FAM168A: variants seen among roughly 807,000 people sequenced by gnomAD.
FAM168A encodes family with sequence similarity 168 member A, also known as protein FAM168A.
A neutral mutation model predicts 28.5 loss-of-function variants in FAM168A; 3 were observed. The observed-to-expected ratio is 0.11, with a 90% CI of 0.05 to 0.27. The LOEUF (loss-of-function observed/expected upper bound fraction) is 0.27, where lower values mean the gene tolerates loss of function less well. FAM168A is among the 10% of genes least tolerant of loss of function. The pLI is 1.00. For synonymous variants in FAM168A, 122 were observed against 124.2 expected, an observed-to-expected ratio of 0.98 and a Z score of 0.12; for missense variants, 222 against 311.5, an observed-to-expected ratio of 0.71 and a Z score of 2.16.
intron 1 of FAM168A, among the ~76,000 whole-genome samples, chr11:73,478,386 C>T (rs1328740918): frequency 6.6e-6 from 1 of 152,092 alleles, no homozygotes; most frequent in African/African-American, 2.4e-5. Context: ...TTGCATGATT[C>T]CATTTATATG....
intron 1 of FAM168A, among the ~76,000 whole-genome samples, chr11:73,541,019 A>G (rs1943650325): frequency 6.6e-6 from 1 of 152,136 alleles, no homozygotes; most frequent in Non-Finnish European, 1.5e-5. Flanking sequence ...AGCCTGTCCA[A>G]CATGCTGAAA....
intron 2 of FAM168A, among the ~76,000 whole-genome samples, chr11:73,435,190 CCT>C (rs1867066534): frequency 6.6e-6 from 1 of 152,222 alleles, no homozygotes; most frequent in African/African-American, 2.4e-5. Flanking sequence ...CTCTTTACCC[CCT>C]GATCATTTTC....
intron 1 of FAM168A, among the ~76,000 whole-genome samples, chr11:73,566,899 G>C (rs549286375): frequency 1.3e-5 from 2 of 152,354 alleles, no homozygotes; most frequent in African/African-American, 4.8e-5. Context: ...AAGCAATGTA[G>C]GTGGTAGATT....
intron 2 of FAM168A, among the ~76,000 whole-genome samples, chr11:73,438,068 G>C (rs527617584): frequency 6.6e-6 from 1 of 152,122 alleles, no homozygotes; most frequent in East Asian, 1.9e-4. Flanking sequence ...ATTGTGGTCA[G>C]TGAAGGCCTA....
At chr11:73,507,194 T>A (rs962329329) in intron 1 of FAM168A, among the ~76,000 whole-genome samples, 1 of 152,192 alleles carries the variant, frequency 6.6e-6, no homozygotes, top group African/African-American at 2.4e-5. Flanking sequence ...CGTGTAATTG[T>A]GTTCATATCT....
intron 1 of FAM168A, among the ~76,000 whole-genome samples, chr11:73,493,134 G>C: frequency 6.6e-6 from 1 of 151,510 alleles, no homozygotes; most frequent in African/African-American, 2.4e-5. Flanking sequence ...ATGTATCCAT[G>C]TAACAAACCT....
At chr11:73,425,179 G>T (rs1866866807) in intron 3 of FAM168A, 2 of 620,512 alleles carry the variant, frequency 3.2e-6, no homozygotes, top group East Asian at 6.1e-5. Context: ...AGTAAATAAA[G>T]ATGTAAAACA....
At chr11:73,455,255 C>G (rs1867508453) in intron 2 of FAM168A, among the ~76,000 whole-genome samples, 1 of 152,212 alleles carries the variant, frequency 6.6e-6, no homozygotes, top group Non-Finnish European at 1.5e-5. Flanking sequence ...GCATGGCGAG[C>G]TGAGTAAGCA....
At chr11:73,540,689 TTC>T (rs753108849) in intron 1 of FAM168A, among the ~76,000 whole-genome samples, 16 of 152,244 alleles carry the variant, frequency 1.1e-4, no homozygotes, top group Non-Finnish European at 2.2e-4. Context: ...AGAGAGGCTT[TTC>T]TTGATCATCA....
chr11:73,550,010 T>G, intron 1 of FAM168A, among the ~76,000 whole-genome samples: 1 of 152,208 alleles, frequency 6.6e-6, no homozygotes, highest in East Asian at 1.9e-4. Context: ...GAAATAAAAA[T>G]AAGAAGACTG....
At chr11:73,457,661 G>A (rs545012586) in intron 2 of FAM168A, among the ~76,000 whole-genome samples, 2 of 134,828 alleles carry the variant, frequency 1.5e-5, no homozygotes, top group Admixed American at 8.3e-5. Context: ...GGATCAACTT[G>A]AGCCCAAGAG....
chr11:73,491,685 T>C (rs1868130156), intron 1 of FAM168A, among the ~76,000 whole-genome samples: 1 of 152,224 alleles, frequency 6.6e-6, no homozygotes. Flanking sequence ...ACACTGACTC[T>C]CATCTCATAC....
At chr11:73,461,254 C>CTA (rs1867641995) in intron 2 of FAM168A, among the ~76,000 whole-genome samples, 1 of 152,024 alleles carries the variant, frequency 6.6e-6, no homozygotes, top group African/African-American at 2.4e-5. Context: ...GTAGCTGGAA[C>CTA]TACAGGCAGG....
chr11:73,424,969 G>T, intron 3 of FAM168A: 2 of 1,419,008 alleles, frequency 1.4e-6, no homozygotes, highest in Non-Finnish European at 1.9e-6. Context: ...CCATTGTTAC[G>T]AGAGAACACA....
At chr11:73,463,860 G>A (rs1867690094) in intron 2 of FAM168A, among the ~76,000 whole-genome samples, 1 of 152,202 alleles carries the variant, frequency 6.6e-6, no homozygotes, top group African/African-American at 2.4e-5. Context: ...ATATTCATGA[G>A]AACAGTTAAT....
At position 73,529,796 on chromosome 11, in the gene FAM168A, C is replaced by CTTTTTTTTTTTTTTTTTTTTTTTTTT. The variant is rs772530179; in HGVS notation, c.-18-61305_-18-61304insAAAAAAAAAAAAAAAAAAAAAAAAAA. Among the ~76,000 whole-genome samples the CTTTTTTTTTTTTTTTTTTTTTTTTTT allele has an allele frequency of 6.3e-5, 8 of 127,532 alleles. 1 individual carries two copies. Among genetic ancestry groups the CTTTTTTTTTTTTTTTTTTTTTTTTTT allele is most frequent in the African/African-American group, 2.7e-4 (8 of 29,666 alleles). The allele number at this position is 127,532 out of a possible 152,430, so 83.7% of individuals were successfully genotyped here. A position where few individuals can be genotyped will look rare whatever the true frequency, so the allele number is the denominator to read the frequency against. ...TCCTTCATTCAAACAACTTTTTCTT[C>CTTTTTTTTTTTTTTTTTTTTTTTTTT]TTTTTTTTTTTTTTTTGGAGACGCA... On this transcript the variant is annotated intron_variant, in intron 1 of 7. Transcript: ENST00000356467.
chr11:73,539,186 A>G (rs577252379), intron 1 of FAM168A, among the ~76,000 whole-genome samples: 9 of 152,336 alleles, frequency 5.9e-5, no homozygotes, highest in African/African-American at 2.2e-4. Flanking sequence ...CATTTAACTT[A>G]AAAAATCAAT....
intron 7 of FAM168A, among the ~76,000 whole-genome samples, chr11:73,407,197 A>T (rs1025301281): frequency 2.6e-5 from 4 of 152,240 alleles, no homozygotes; most frequent in Admixed American, 2.6e-4. Context: ...GCTAAGTGAT[A>T]TTTAACTACA....
chr11:73,458,202 G>A (rs1020412257), intron 2 of FAM168A, among the ~76,000 whole-genome samples: 2 of 152,178 alleles, frequency 1.3e-5, no homozygotes, highest in Non-Finnish European at 1.5e-5. Flanking sequence ...GTAGAGAACA[G>A]GAAGCCAAGG....
Sources: gnomAD v4.1 joint callset for allele counts (sites outside exome capture counted in the v4.1 genomes callset) on GRCh38, gnomAD v4.1.1 for gene constraint, MANE v1.5 for transcripts, NCBI Gene and HGNC (gene_info 2026-07-23, HGNC 2026-07-21) for gene names.